Variants in CNGB1 observed in about 807,000 individuals in gnomAD.
The protein encoded by CNGB1 is cyclic nucleotide-gated channel beta-1.
CNGB1 carries 126 observed loss-of-function variants against 151.7 expected under a neutral mutation model. The observed-to-expected ratio is 0.83, with a 90% CI of 0.72 to 0.96. The LOEUF (loss-of-function observed/expected upper bound fraction) is 0.96. Among genes scored for constraint, CNGB1 ranks in the 40% least tolerant of loss-of-function variants. CNGB1 has a pLI of 0.00. For missense variants in CNGB1, 1,698 were observed against 1,627.0 expected (o/e 1.04, Z -0.75); for synonymous variants, 623 against 635.1 (o/e 0.98, Z 0.29).
chr16:57,916,081 C>G (rs370968164), intron 22 of CNGB1, 48 bp downstream of exon 22: 1 of 1,599,116 alleles, frequency 6.3e-7, no homozygotes, highest in East Asian at 2.2e-5. Flanking sequence ...CTGAGGCACC[C>G]CCTTCTGAAA....
At chr16:57,889,036 G>T (rs1328742230) in intron 31 of CNGB1, among the ~76,000 whole-genome samples, 1 of 152,160 alleles carries the variant, frequency 6.6e-6, no homozygotes, top group East Asian at 1.9e-4. Context: ...TTGAGGATGG[G>T]TGGGGTACGT....
At chr16:57,964,057 C>T (rs1005353169) in intron 4 of CNGB1, 73 bp downstream of exon 4, 27 of 1,450,418 alleles carry the variant, frequency 1.9e-5, no homozygotes, top group Non-Finnish European at 2.4e-5. Context: ...CACCCCCATC[C>T]CCAGGGCTCC....
intron 12 of CNGB1, chr16:57,954,670 A>T: frequency 1.0e-6 from 1 of 982,636 alleles, no homozygotes; most frequent in Non-Finnish European, 1.2e-6. Context: ...CAATGCAATC[A>T]CAGGTTTGAT....
chr16:57,933,657 C>T (rs1204599139), intron 16 of CNGB1, among the ~76,000 whole-genome samples: 2 of 151,888 alleles, frequency 1.3e-5, no homozygotes, highest in African/African-American at 2.4e-5. Context: ...CCCCCAAAAG[C>T]GGGAAGCAGG....
chr16:57,953,891 A>AG (rs1253188258), intron 12 of CNGB1, among the ~76,000 whole-genome samples: 24 of 152,174 alleles, frequency 1.6e-4, no homozygotes, highest in Admixed American at 9.2e-4. Context: ...AAAGAAAGAA[A>AG]AAAAAAACAA....
intron 31 of CNGB1, among the ~76,000 whole-genome samples, chr16:57,888,712 A>G (rs1191469299): frequency 6.6e-6 from 1 of 152,056 alleles, no homozygotes; most frequent in African/African-American, 2.4e-5. Context: ...TTGGCCTCCC[A>G]AAGTGTTGAA....
intron 23 of CNGB1, 35 bp downstream of exon 23, chr16:57,915,214 C>T: frequency 1.3e-6 from 2 of 1,566,954 alleles, no homozygotes; most frequent in Non-Finnish European, 1.8e-6. Context: ...CAGGGATGAG[C>T]TGAAGGCCTG....
At chr16:57,903,719 A>G in intron 27 of CNGB1, 103 bp downstream of exon 27, 2 of 1,363,978 alleles carry the variant, frequency 1.5e-6, no homozygotes, top group Non-Finnish European at 2.1e-6. Flanking sequence ...TCGGGACCTC[A>G]GAGACACAGA....
chr16:57,916,153 G>A lies in CNGB1; in HGVS notation c.2193C>T (p.Asn731=), dbSNP rs376270. 561,271 of 1,612,730 alleles carry A rather than the reference G, an allele frequency of 0.35. 100,359 individuals are homozygous for A. The highest frequency in any genetic ancestry group is 0.57 in the East Asian group (25,433 of 44,836). The change falls in exon 22 of 33, where the codon AAC becomes AAT. Residue 731 remains asparagine, a synonymous_variant. Transcript: ENST00000251102. ...IITDKKDMRN[N]YLKSRRFKMD... is the part of the protein sequence containing the mutation. ...CCTTGAAGCGGCGAGACTTCAGGTA[G>A]TTATTTCGCATGTCCTTTTTGTCCG...
chr16:57,926,696 G>T (rs548972314), intron 17 of CNGB1, among the ~76,000 whole-genome samples: 1 of 152,262 alleles, frequency 6.6e-6, no homozygotes, highest in East Asian at 1.9e-4. Flanking sequence ...AGTGCACACT[G>T]CCGCTGGATG....
intron 25 of CNGB1, among the ~76,000 whole-genome samples, chr16:57,907,160 G>A (rs1422808239): frequency 2.0e-5 from 3 of 152,106 alleles, no homozygotes; most frequent in Non-Finnish European, 2.9e-5. Flanking sequence ...AGCTCCTCCC[G>A]CAGAGGGCCC....
At position 57,915,322 on chromosome 16, in the gene CNGB1, C is replaced by T; in HGVS notation, c.2231G>A (p.Ser744Asn). ...KSRRFKMDLL[S>N]LLPLDFLYLK... ...ATAGAGAAAATCCAAGGGCAGGAGGCTGAGCAGGTCCATCTGAAATCCCAG... is the reference window on the plus strand; with the variant it reads ...ATAGAGAAAATCCAAGGGCAGGAGGTTGAGCAGGTCCATCTGAAATCCCAG... Residue 744 changes from serine to asparagine, a missense_variant, in exon 23 of 33, where the codon AGC becomes AAC. Ser to Asn is a conservative substitution (Grantham distance 46, BLOSUM62 1). Coordinates refer to ENST00000251102, the MANE Select transcript of CNGB1 (RefSeq NM_001297.5). 1 of 1,613,966 alleles carries T rather than the reference C, an allele frequency of 6.2e-7. No individual in the cohort carries two copies. The highest frequency in any genetic ancestry group is 1.1e-5 in the South Asian group (1 of 91,066).
At chr16:57,966,987 G>A (rs1178290332) in intron 2 of CNGB1, 141 bp downstream of exon 2, 10 of 1,151,568 alleles carry the variant, frequency 8.7e-6, no homozygotes, top group Non-Finnish European at 1.3e-5. Flanking sequence ...ACTCGAACAA[G>A]TGTGGGACCC....
At chr16:57,931,992 AG>A in intron 16 of CNGB1, 114 bp from the exon 17 acceptor site, 1 of 1,142,026 alleles carries the variant, frequency 8.8e-7, no homozygotes, top group Non-Finnish European at 1.3e-6. Context: ...GGACTCTGAT[AG>A]CTTCACTTCC....
rs1265528774 is a variant in CNGB1, at chr16:57,900,899, A to C, written c.2976+453T>G. 2.0e-5 allele frequency among the ~76,000 whole-genome samples: 3 copies of C among 151,706 alleles called. No homozygotes were observed. The East Asian group carries it at 5.8e-4, about 29-fold the overall frequency. ...ACAGAATACCTGTGTGCTGGATCTT[A>C]TCCAAAGGCCACCAGTTTGCAACCT... On this transcript the variant is annotated intron_variant, in intron 29 of 32. Transcript: ENST00000251102.
intron 27 of CNGB1, among the ~76,000 whole-genome samples, chr16:57,903,552 G>A (rs1267026613): frequency 6.6e-6 from 1 of 152,180 alleles, no homozygotes; most frequent in African/African-American, 2.4e-5. Flanking sequence ...GGATGGGGAT[G>A]CATTTCAAGG....
Position 57,901,528 on chromosome 16 carries a change from C to T in CNGB1, c.2892G>A (p.Gln964=), listed in dbSNP as rs748029072. The change falls in exon 28 of 33, where the codon CAG becomes CAA. Residue 964 remains glutamine, a splice_region_variant and synonymous_variant. Coordinates refer to ENST00000251102, the MANE Select transcript of CNGB1 (RefSeq NM_001297.5). ...AGCGTGAGGGCACCAAAAGGTGTAC[C>T]TGAAAGAGTGCGACTTTGCTAACGA... ...YNIVSKVALF[Q]GCDRQMIFDM... The T allele has an allele frequency of 6.2e-7, 1 of 1,614,182 alleles. No homozygotes were observed. Among genetic ancestry groups the T allele is most frequent in the Non-Finnish European group, 8.5e-7 (1 of 1,180,008 alleles).
chr16:57,884,203 C>G lies in CNGB1; in HGVS notation c.3717G>C (p.Ser1239=), dbSNP rs202083169. 2 of 1,614,038 alleles carry G rather than the reference C, an allele frequency of 1.2e-6. No individual in the cohort carries two copies. Among genetic ancestry groups the G allele is most frequent in the Admixed American group, 1.7e-5 (1 of 60,034 alleles). Residue 1239 remains serine, a synonymous_variant, in exon 33 of 33, where the codon TCG becomes TCC. Coordinates refer to ENST00000251102, the MANE Select transcript of CNGB1 (RefSeq NM_001297.5). ...CCTCCCTTTCCTCCGGCATCTTCACCGACAGGATCTGCTCTCCCGGCTCCG... is the reference window on the plus strand; with the variant it reads ...CCTCCCTTTCCTCCGGCATCTTCACGGACAGGATCTGCTCTCCCGGCTCCG... ...PGPEPGEQIL[S]VKMPEEREEK...
In CNGB1 at chr16:57,884,299, C is replaced by A; in HGVS notation, c.3621G>T (p.Arg1207Ser). 1 of 1,613,214 alleles carries A rather than the reference C, an allele frequency of 6.2e-7. No homozygotes were observed. Among genetic ancestry groups the A allele is most frequent in the Non-Finnish European group, 8.5e-7 (1 of 1,179,756 alleles). ...CCGGCCCCTCCTCCTCTCCCTCCGG[C>A]CTCCCAAGGGAGGCAGGCGGTGGAG... The part of the protein sequence containing the change: ...PSSPPPASLG[R>S]PEGEEEGPAE... Residue 1207 changes from arginine to serine, a missense_variant, in exon 33 of 33, where the codon AGG (arginine) becomes AGT (serine). By Grantham distance (110) the Arg-to-Ser change is moderately radical (BLOSUM62 -1). Coordinates refer to ENST00000251102, the MANE Select transcript of CNGB1 (RefSeq NM_001297.5).
Sources: gnomAD v4.1 joint callset for allele counts (sites outside exome capture counted in the v4.1 genomes callset) on GRCh38, gnomAD v4.1.1 for gene constraint, MANE v1.5 for transcripts, NCBI Gene and HGNC (gene_info 2026-07-23, HGNC 2026-07-21) for gene names.